Variants in DPH6 observed in about 807,000 individuals in gnomAD.
DPH6 encodes diphthine--ammonia ligase.
DPH6 carries 33 observed loss-of-function variants against 38.2 expected under a neutral mutation model. The ratio of observed to expected loss-of-function variants is 0.86; its 90% CI spans 0.65 to 1.15. The LOEUF (loss-of-function observed/expected upper bound fraction) is 1.15, where lower values mean the gene tolerates loss of function less well. DPH6 is among the 50% of genes most tolerant of loss of function. The pLI is 0.00. For synonymous variants in DPH6, 108 were observed against 103.0 expected (o/e 1.05, Z -0.30); for missense variants, 325 against 320.0 (o/e 1.02, Z -0.12).
the DPH6 span, among the ~76,000 whole-genome samples, chr15:35,174,687 A>G: frequency 9.2e-5 from 14 of 152,086 alleles, no homozygotes; most frequent in African/African-American, 3.4e-4. Flanking sequence ...GGTTTTTAAT[A>G]TTTTCAAAGC....
chr15:35,175,083 GACTTAT>G, the DPH6 span, among the ~76,000 whole-genome samples: 1 of 152,126 alleles, frequency 6.6e-6, no homozygotes, highest in East Asian at 1.9e-4. Context: ...TGATATTAGT[GACTTAT>G]ACTTTCCTCT....
At chr15:35,315,243 A>G (rs565743189) in intron 3 of DPH6, among the ~76,000 whole-genome samples, 17 of 152,308 alleles carry the variant, frequency 1.1e-4, no homozygotes, top group Non-Finnish European at 1.3e-4. Flanking sequence ...ACTTCTTTAA[A>G]CATCTTGACA....
intron 3 of DPH6, among the ~76,000 whole-genome samples, chr15:35,227,135 T>C (rs1042171180): frequency 2.0e-5 from 3 of 151,722 alleles, no homozygotes; most frequent in Non-Finnish European, 2.9e-5. Context: ...TAGCCACTAA[T>C]GAACCTTTCA....
chr15:35,330,732 T>C (rs888908741), downstream of DPH6: 3 of 152,184 alleles, frequency 2.0e-5, no homozygotes, highest in African/African-American at 7.2e-5. Flanking sequence ...CAGGTTTTAC[T>C]TTTTCTCTTT....
At chr15:35,492,580 C>A (rs1206767144) in intron 3 of DPH6, among the ~76,000 whole-genome samples, 1 of 152,118 alleles carries the variant, frequency 6.6e-6, no homozygotes, top group Non-Finnish European at 1.5e-5. Flanking sequence ...CTGGCCACCA[C>A]GGACTGAGAT....
chr15:35,221,251 A>G (rs1182193581), intron 3 of DPH6, among the ~76,000 whole-genome samples: 1 of 152,128 alleles, frequency 6.6e-6, no homozygotes, highest in Non-Finnish European at 1.5e-5. Flanking sequence ...CAGCTATCAC[A>G]GGTTGAATTG....
chr15:35,236,313 G>A (rs2051550361), intron 3 of DPH6, among the ~76,000 whole-genome samples: 1 of 152,098 alleles, frequency 6.6e-6, no homozygotes, highest in Non-Finnish European at 1.5e-5. Context: ...CCCCTTAAAG[G>A]AATTTGCCTT....
At chr15:35,245,482 C>T (rs1490184916) in intron 3 of DPH6, among the ~76,000 whole-genome samples, 1 of 152,166 alleles carries the variant, frequency 6.6e-6, no homozygotes, top group Non-Finnish European at 1.5e-5. Context: ...TTGTGATCCA[C>T]CTGCCTCGGC....
chr15:35,164,518 C>T, the DPH6 span, among the ~76,000 whole-genome samples: 2 of 151,220 alleles, frequency 1.3e-5, no homozygotes, highest in African/African-American at 2.4e-5. Context: ...CTCCTTTACG[C>T]AGTCAGCAAC....
At chr15:35,389,065 GA>G (rs922520805) in intron 6 of DPH6, among the ~76,000 whole-genome samples, 2 of 152,146 alleles carry the variant, frequency 1.3e-5, no homozygotes, top group African/African-American at 4.8e-5. Flanking sequence ...TGGTTTCAAA[GA>G]AATCTTTATT....
intron 3 of DPH6, among the ~76,000 whole-genome samples, chr15:35,316,973 T>C (rs1424313298): frequency 6.6e-6 from 1 of 152,272 alleles, no homozygotes; most frequent in Non-Finnish European, 1.5e-5. Flanking sequence ...AAAAACTCTC[T>C]AGGGCTGGGC....
chr15:35,202,559 A>G, the DPH6 span, among the ~76,000 whole-genome samples: 1 of 151,732 alleles, frequency 6.6e-6, no homozygotes, highest in Non-Finnish European at 1.5e-5. Flanking sequence ...TACACCTGTA[A>G]CATTGACCCA....
chr15:35,489,029 A>T (rs1673292735), intron 3 of DPH6, among the ~76,000 whole-genome samples: 1 of 152,128 alleles, frequency 6.6e-6, no homozygotes, highest in Non-Finnish European at 1.5e-5. Context: ...TTTACCACTC[A>T]CTATCTATGT....
At chr15:35,189,181 A>C in the DPH6 span, among the ~76,000 whole-genome samples, 1 of 152,204 alleles carries the variant, frequency 6.6e-6, no homozygotes, top group African/African-American at 2.4e-5. Context: ...TTATGCTACA[A>C]GTGAGTTTTT....
At chr15:35,335,812 T>C (rs538798152) in intron 3 of DPH6, among the ~76,000 whole-genome samples, 4 of 152,250 alleles carry the variant, frequency 2.6e-5, no homozygotes, top group Non-Finnish European at 5.9e-5. Context: ...GGAAGTTGTA[T>C]AGCACAATGC....
chr15:35,372,215 A>T lies in DPH6; in HGVS notation c.751-12T>A, dbSNP rs1053444162. Reference sequence around the variant, plus strand: ...GGCACTGAGGACACCTAAAAAAAAAAGGGAAGGAAAGGGAAGGAAAATGCA... The same window carrying T: ...GGCACTGAGGACACCTAAAAAAAAATGGGAAGGAAAGGGAAGGAAAATGCA... On this transcript the variant is annotated splice_polypyrimidine_tract_variant and intron_variant, in intron 8 of 8. Coordinates refer to ENST00000256538, the MANE Select transcript of DPH6 (RefSeq NM_080650.4). 7.3e-7 allele frequency: 1 copy of T among 1,378,916 alleles called. No homozygotes were observed. The highest frequency in any genetic ancestry group is 9.7e-7 in the Non-Finnish European group (1 of 1,031,718). 85.4% of individuals were successfully genotyped at this position (1,378,916 alleles called of 1,614,324 possible).
chr15:35,306,962 G>T (rs1246369052), intron 3 of DPH6, among the ~76,000 whole-genome samples: 4 of 152,162 alleles, frequency 2.6e-5, no homozygotes, highest in Non-Finnish European at 4.4e-5. Flanking sequence ...TGGCCGAGAG[G>T]AAAGAGAGCA....
chr15:35,478,389 ACAC>A (rs2054287432), intron 3 of DPH6, among the ~76,000 whole-genome samples: 1 of 151,172 alleles, frequency 6.6e-6, no homozygotes, highest in Non-Finnish European at 1.5e-5. Context: ...ACACACACAC[ACAC>A]ACACACACAC....
At chr15:35,476,256 A>G in intron 3 of DPH6, among the ~76,000 whole-genome samples, 1 of 151,794 alleles carries the variant, frequency 6.6e-6, no homozygotes, top group Non-Finnish European at 1.5e-5. Flanking sequence ...CAGTTCCCTC[A>G]TTAGTAAATA....
Sources: gnomAD v4.1 joint callset for allele counts (sites outside exome capture counted in the v4.1 genomes callset) on GRCh38, gnomAD v4.1.1 for gene constraint, MANE v1.5 for transcripts, NCBI Gene and HGNC (gene_info 2026-07-23, HGNC 2026-07-21) for gene names.